Variants in RAPGEF4 observed in about 807,000 individuals in gnomAD.
RAPGEF4 encodes the protein Rap guanine nucleotide exchange factor 4, also known as RAP guanine-nucleotide-exchange factor (GEF) 4.
Under a neutral mutation model 147.9 loss-of-function variants are expected in RAPGEF4, and 66 were observed. That is an observed-to-expected ratio of 0.45 (90% CI 0.37 to 0.55). The LOEUF is 0.55. RAPGEF4 is among the 20% of genes least tolerant of loss of function. The pLI is 0.00. For missense variants in RAPGEF4, 1,071 were observed against 1,257.3 expected, an observed-to-expected ratio of 0.85 and a Z score of 2.24; for synonymous variants, 419 against 442.7, an observed-to-expected ratio of 0.95 and a Z score of 0.67.
intron 4 of RAPGEF4, among the ~76,000 whole-genome samples, chr2:172,900,486 A>G (rs139674591): frequency 0.02 from 3,047 of 152,080 alleles, 103 homozygotes; most frequent in South Asian, 0.13. Context: ...CAATCCCCCT[A>G]CCTCAGCCTC....
chr2:172,735,861 C>T lies in RAPGEF4; in HGVS notation c.-123C>T, dbSNP rs1693690893. On this transcript the variant is annotated 5_prime_UTR_variant, in exon 1 of 31. Transcript: ENST00000397081. The stretch of plus-strand genomic sequence containing the variant: ...GGGGAGGGCGGGCCTGTCGCAGCCG[C>T]GCTGGTCGCCAGGCGTCCGGGAGGA... The T allele has an allele frequency of 2.4e-6, 2 of 820,774 alleles. No individual in the cohort carries two copies. The highest frequency in any genetic ancestry group is 1.6e-6 in the Non-Finnish European group (1 of 625,472). The allele number at this position is 820,774 out of a possible 1,614,324, so 50.8% of individuals were successfully genotyped here. A position where few individuals can be genotyped will look rare whatever the true frequency, so the allele number is the denominator to read the frequency against.
At chr2:172,950,679 A>G (rs2099886236) in intron 6 of RAPGEF4, among the ~76,000 whole-genome samples, 1 of 152,238 alleles carries the variant, frequency 6.6e-6, no homozygotes, top group African/African-American at 2.4e-5. Context: ...CTAAAGGCCA[A>G]ATGCATTTTC....
At chr2:172,917,650 C>A (rs918528787) in intron 4 of RAPGEF4, 152 bp from the exon 5 acceptor site, 3 of 700,550 alleles carry the variant, frequency 4.3e-6, no homozygotes, top group African/African-American at 3.5e-5. Context: ...TTATTTCAGA[C>A]CAGAGACCCC....
intron 4 of RAPGEF4, among the ~76,000 whole-genome samples, chr2:172,861,042 A>G (rs955943278): frequency 6.6e-6 from 1 of 152,224 alleles, no homozygotes; most frequent in Non-Finnish European, 1.5e-5. Flanking sequence ...GTTTATTTTT[A>G]CCAAATTAGA....
At chr2:172,805,982 A>G (rs3930351) in intron 3 of RAPGEF4, among the ~76,000 whole-genome samples, 53,305 of 151,140 alleles carry the variant, frequency 0.35, 9,920 homozygotes, top group Middle Eastern at 0.46. Flanking sequence ...AATAAATAGG[A>G]TTATAAATCT....
intron 4 of RAPGEF4, chr2:172,860,090 G>T (rs1358618883): frequency 1.0e-5 from 10 of 985,360 alleles, no homozygotes; most frequent in African/African-American, 1.7e-5. Context: ...AAGGTAGGAT[G>T]CATACGCAGA....
At chr2:172,930,979 G>C (rs1008981197) in intron 6 of RAPGEF4, among the ~76,000 whole-genome samples, 1 of 152,028 alleles carries the variant, frequency 6.6e-6, no homozygotes, top group Non-Finnish European at 1.5e-5. Context: ...TTAGTATGAC[G>C]GGGTTCAATA....
At chr2:172,921,389 G>A (rs1036126108) in intron 5 of RAPGEF4, among the ~76,000 whole-genome samples, 1 of 152,144 alleles carries the variant, frequency 6.6e-6, no homozygotes, top group Non-Finnish European at 1.5e-5. Context: ...CATCCAGCTA[G>A]CACTCAGTTC....
intron 13 of RAPGEF4, 99 bp from the exon 14 acceptor site, chr2:172,988,594 C>T: frequency 7.3e-7 from 1 of 1,363,238 alleles, no homozygotes; most frequent in Non-Finnish European, 1.0e-6. Context: ...GCCCATTTAT[C>T]TACAATGTTT....
intron 1 of RAPGEF4, among the ~76,000 whole-genome samples, chr2:172,773,372 G>T (rs1235669448): frequency 6.6e-6 from 1 of 152,130 alleles, no homozygotes; most frequent in Non-Finnish European, 1.5e-5. Context: ...GGGACAAATG[G>T]TTCATATGAT....
At chr2:172,856,873 G>A (rs1693471874) in intron 4 of RAPGEF4, among the ~76,000 whole-genome samples, 1 of 152,090 alleles carries the variant, frequency 6.6e-6, no homozygotes, top group Middle Eastern at 3.4e-3. Context: ...TCTGACTCTG[G>A]CCACACTGTG....
chr2:173,040,189 A>T (rs1684584616), intron 29 of RAPGEF4, among the ~76,000 whole-genome samples: 1 of 134,204 alleles, frequency 7.5e-6, no homozygotes, highest in Non-Finnish European at 1.6e-5. Flanking sequence ...ACTCCATCTC[A>T]AAAAAAAAAA....
chr2:172,761,245 C>T (rs1017876057), intron 1 of RAPGEF4, among the ~76,000 whole-genome samples: 1 of 151,848 alleles, frequency 6.6e-6, no homozygotes, highest in Non-Finnish European at 1.5e-5. Flanking sequence ...CCTGGCTCAG[C>T]CTCCTGAGTA....
intron 29 of RAPGEF4, 155 bp downstream of exon 29, chr2:173,036,847 A>G (rs905765703): frequency 1.2e-4 from 64 of 531,620 alleles, no homozygotes; most frequent in Admixed American, 3.3e-5. Context: ...TTGGCTACCT[A>G]TTCTATTCTG....
intron 15 of RAPGEF4, among the ~76,000 whole-genome samples, chr2:172,994,599 C>A (rs1693139855): frequency 6.6e-6 from 1 of 152,248 alleles, no homozygotes; most frequent in Non-Finnish European, 1.5e-5. Flanking sequence ...ACAGATGTTG[C>A]TCTCTCTAAC....
At chr2:172,953,502 CAG>C (rs1426066475) in intron 6 of RAPGEF4, among the ~76,000 whole-genome samples, 1 of 151,568 alleles carries the variant, frequency 6.6e-6, no homozygotes, top group East Asian at 1.9e-4. Context: ...GAGAGACAGA[CAG>C]AGAGAGAGTA....
chr2:172,856,778 G>A (rs1693460571), intron 4 of RAPGEF4, among the ~76,000 whole-genome samples: 1 of 152,030 alleles, frequency 6.6e-6, no homozygotes, highest in African/African-American at 2.4e-5. Context: ...CTTCTCTCTA[G>A]GATTTCCTCC....
intron 13 of RAPGEF4, 151 bp downstream of exon 13, chr2:172,988,423 C>A: frequency 7.2e-7 from 1 of 1,380,202 alleles, no homozygotes; most frequent in East Asian, 2.5e-5. Flanking sequence ...CATAAGTTAC[C>A]TCAGTTATTA....
At chr2:172,919,187 G>A (rs757347931) in intron 5 of RAPGEF4, among the ~76,000 whole-genome samples, 34 of 152,064 alleles carry the variant, frequency 2.2e-4, no homozygotes, top group Admixed American at 3.9e-4. Context: ...GGCAAGGCAC[G>A]TAGTCTCTCT....
Sources: allele counts gnomAD v4.1 joint callset (sites outside exome capture counted in the v4.1 genomes callset), GRCh38; gene constraint gnomAD v4.1.1; transcripts MANE v1.5; gene names NCBI Gene and HGNC (gene_info 2026-07-23, HGNC 2026-07-21).